The following PCDH11X variants were observed in gnomAD, a reference collection of about 807,000 sequenced individuals.
PCDH11X encodes the protein protocadherin-11 X-linked.
In PCDH11X, 18 loss-of-function variants were observed where a neutral mutation model predicts 53.3. That is an observed-to-expected ratio of 0.34 (90% confidence interval 0.23 to 0.50). The LOEUF (loss-of-function observed/expected upper bound fraction) is 0.50, where lower values mean the gene tolerates loss of function less well. Among genes scored for constraint, PCDH11X ranks in the 20% least tolerant of loss-of-function variants. The pLI is 0.98. For missense variants in PCDH11X, 570 were observed against 1,032.4 expected (o/e 0.55, Z 6.14); for synonymous variants, 279 against 393.3 (o/e 0.71, Z 3.44).
intron 5 of PCDH11X, among the ~76,000 whole-genome samples, chrX:91,864,714 C>A (rs1357968465): frequency 1.9e-5 from 2 of 104,433 alleles, no homozygotes; most frequent in Non-Finnish European, 3.9e-5. Flanking sequence ...ATTCTTTGTT[C>A]TTTTGTCTCC....
chrX:92,505,190 A>T (rs1603350662), intron 10 of PCDH11X, among the ~76,000 whole-genome samples: 2 of 56,059 alleles, frequency 3.6e-5, no homozygotes, highest in African/African-American at 7.7e-5. Flanking sequence ...GTGCAGATGC[A>T]CTTTAGTTTA....
At chrX:92,205,075 G>A (rs2066452610) in intron 7 of PCDH11X, among the ~76,000 whole-genome samples, 1 of 111,613 alleles carries the variant, frequency 9.0e-6, no homozygotes, top group African/African-American at 3.3e-5. Context: ...AACCATGTCA[G>A]GCTATTATCG....
intron 6 of PCDH11X, among the ~76,000 whole-genome samples, chrX:92,081,645 C>T (rs1432276312): frequency 2.6e-4 from 28 of 109,395 alleles, no homozygotes; most frequent in African/African-American, 8.6e-4. Flanking sequence ...TACAATTAGG[C>T]ACTAATAAAT....
At chrX:92,514,114 A>G (rs2074212911) in intron 10 of PCDH11X, among the ~76,000 whole-genome samples, 1 of 111,662 alleles carries the variant, frequency 9.0e-6, no homozygotes, top group Admixed American at 9.5e-5. Flanking sequence ...TCCGCTCATC[A>G]GTTTGCCTTG....
At chrX:91,897,240 A>G (rs1312845386) in intron 6 of PCDH11X, among the ~76,000 whole-genome samples, 1 of 92,703 alleles carries the variant, frequency 1.1e-5, no homozygotes, top group Non-Finnish European at 2.1e-5. Context: ...CTTTCTGCAG[A>G]TATTGTGTTG....
At chrX:91,822,223 T>C (rs766097732) in intron 4 of PCDH11X, among the ~76,000 whole-genome samples, 1 of 109,563 alleles carries the variant, frequency 9.1e-6, no homozygotes, top group East Asian at 2.9e-4. Flanking sequence ...CTTTCTCTAT[T>C]GATTGGAATA....
intron 9 of PCDH11X, among the ~76,000 whole-genome samples, chrX:92,426,526 G>A (rs1358998052): frequency 1.8e-5 from 2 of 108,621 alleles, no homozygotes; most frequent in East Asian, 2.9e-4. Flanking sequence ...AATTTGCATC[G>A]AACTATGTTT....
At chrX:92,381,594 C>T (rs1347216137) in intron 8 of PCDH11X, among the ~76,000 whole-genome samples, 3 of 111,526 alleles carry the variant, frequency 2.7e-5, no homozygotes, top group Non-Finnish European at 5.7e-5. Context: ...TTGATCCAAG[C>T]GTTTATGCCA....
At chrX:92,367,623 G>A (rs2070507264) in intron 8 of PCDH11X, among the ~76,000 whole-genome samples, 1 of 111,826 alleles carries the variant, frequency 8.9e-6, no homozygotes, top group African/African-American at 3.3e-5. Context: ...TGTTTTTGCA[G>A]TGGCTGGTAC....
chrX:92,426,167 C>T (rs2072106362), intron 9 of PCDH11X, among the ~76,000 whole-genome samples: 1 of 99,118 alleles, frequency 1.0e-5, no homozygotes, highest in Admixed American at 1.1e-4. Flanking sequence ...TTCTTTCAGC[C>T]ACTGTATTTT....
rs750560108 is a variant in PCDH11X, at chrX:92,517,956, T to G, written c.3367+49634T>G. 6.8e-3 allele frequency among the ~76,000 whole-genome samples: 758 copies of G among 110,942 alleles called. 7 individuals carry two copies. The highest frequency in any genetic ancestry group is 0.024 in the African/African-American group (726 of 30,732). Reference sequence around the variant, plus strand: ...TGATTTTTAACAAATATTGTCACAGTGCAATGATAGCATTTTCATTCACAG... The same window carrying G: ...TGATTTTTAACAAATATTGTCACAGGGCAATGATAGCATTTTCATTCACAG... On this transcript the variant is annotated intron_variant, in intron 10 of 10. Coordinates refer to ENST00000682573, the MANE Select transcript of PCDH11X (RefSeq NM_032968.5).
chrX:92,366,997 A>C (rs1267587440), intron 8 of PCDH11X, among the ~76,000 whole-genome samples: 1 of 109,075 alleles, frequency 9.2e-6, no homozygotes, highest in Non-Finnish European at 1.9e-5. Flanking sequence ...AGTTCTGTAG[A>C]TGTCTATTAG....
chrX:92,602,018 T>C (rs1454558408), intron 10 of PCDH11X, among the ~76,000 whole-genome samples: 1 of 112,129 alleles, frequency 8.9e-6, no homozygotes, highest in Non-Finnish European at 1.9e-5. Flanking sequence ...CATGCTGGGT[T>C]AGGCATGTTA....
intron 7 of PCDH11X, among the ~76,000 whole-genome samples, chrX:92,235,711 G>A (rs142625086): frequency 0.015 from 1,703 of 110,975 alleles, 31 homozygotes; most frequent in African/African-American, 0.053. Context: ...TTTTTTTGAA[G>A]AACCAATTTG....
intron 10 of PCDH11X, among the ~76,000 whole-genome samples, chrX:92,548,881 A>T (rs1301717798): frequency 9.3e-6 from 1 of 107,633 alleles, no homozygotes; most frequent in Non-Finnish European, 1.9e-5. Flanking sequence ...GTCAGCTGAA[A>T]CAGTCAAAAC....
At chrX:92,253,871 T>C (rs1330132976) in intron 7 of PCDH11X, among the ~76,000 whole-genome samples, 1 of 112,094 alleles carries the variant, frequency 8.9e-6, no homozygotes, top group East Asian at 2.8e-4. Flanking sequence ...TAAGAACATA[T>C]GATCTGCAAA....
intron 10 of PCDH11X, among the ~76,000 whole-genome samples, chrX:92,549,433 C>G (rs1277121151): frequency 1.9e-5 from 2 of 107,535 alleles, no homozygotes; most frequent in Non-Finnish European, 3.8e-5. Context: ...TCAGTGCTTA[C>G]ATTTACTTTC....
At chrX:92,239,745 T>A (rs1000609259) in intron 7 of PCDH11X, among the ~76,000 whole-genome samples, 1 of 111,568 alleles carries the variant, frequency 9.0e-6, no homozygotes, top group African/African-American at 3.3e-5. Context: ...CATAGTTATT[T>A]ATTATCCTCC....
chrX:91,792,119 G>A (rs1434876193), intron 1 of PCDH11X, among the ~76,000 whole-genome samples: 1 of 109,169 alleles, frequency 9.2e-6, no homozygotes, highest in Non-Finnish European at 1.9e-5. Context: ...AAAGTACTGG[G>A]ATTACAGGCG....
Sources: allele counts gnomAD v4.1 joint callset (sites outside exome capture counted in the v4.1 genomes callset), GRCh38; gene constraint gnomAD v4.1.1; transcripts MANE v1.5; gene names NCBI Gene and HGNC (gene_info 2026-07-23, HGNC 2026-07-21).